The following PARD3 variants were observed in gnomAD, a reference collection of about 807,000 sequenced individuals.
PARD3 encodes the protein par-3 family cell polarity regulator, also known as partitioning defective 3 homolog.
A neutral mutation model predicts 155.4 loss-of-function variants in PARD3; 75 were observed. That is an observed-to-expected ratio of 0.48 (90% CI 0.40 to 0.58). The LOEUF is 0.58. Ranked by LOEUF, PARD3 falls within the 20% of genes least tolerant of loss-of-function variation. The probability of loss-of-function intolerance (pLI) is 0.00; values close to 1 mark genes in which losing one functional copy is unlikely to be tolerated. For missense variants in PARD3, 1,642 were observed against 1,721.7 expected (o/e 0.95, Z 0.82); for synonymous variants, 576 against 610.5 (o/e 0.94, Z 0.83).
intron 22 of PARD3, among the ~76,000 whole-genome samples, chr10:34,136,899 TTC>T (rs1256143320): frequency 2.6e-5 from 4 of 152,190 alleles, no homozygotes; most frequent in African/African-American, 9.7e-5. Context: ...GTATGGGCTT[TTC>T]TCTCTTAGGT....
chr10:34,700,448 A>C (rs775736169), intron 1 of PARD3, among the ~76,000 whole-genome samples: 2 of 152,264 alleles, frequency 1.3e-5, no homozygotes, highest in Non-Finnish European at 2.9e-5. Context: ...TAGGCTCCGC[A>C]TATTACCCAC....
chr10:34,540,811 T>C (rs1231474541), intron 2 of PARD3, among the ~76,000 whole-genome samples: 1 of 152,156 alleles, frequency 6.6e-6, no homozygotes, highest in Non-Finnish European at 1.5e-5. Context: ...ATCTTTTTAC[T>C]TTCTGATTTA....
At chr10:34,596,737 C>T (rs1190719840) in intron 2 of PARD3, among the ~76,000 whole-genome samples, 1 of 152,194 alleles carries the variant, frequency 6.6e-6, no homozygotes. Flanking sequence ...GGTGCTAATC[C>T]AATTCCAGGC....
intron 5 of PARD3, among the ~76,000 whole-genome samples, chr10:34,428,763 A>G (rs1027605453): frequency 6.6e-6 from 1 of 152,106 alleles, no homozygotes; most frequent in Non-Finnish European, 1.5e-5. Flanking sequence ...TGTAAGAACT[A>G]TTTTTTTCCT....
chr10:34,477,795 T>C (rs1164949172), intron 3 of PARD3, among the ~76,000 whole-genome samples: 3 of 152,218 alleles, frequency 2.0e-5, no homozygotes, highest in Non-Finnish European at 4.4e-5. Flanking sequence ...CTAAATATAA[T>C]ATGCAGTTAC....
At chr10:34,618,601 C>A (rs975546733) in intron 2 of PARD3, among the ~76,000 whole-genome samples, 4 of 152,078 alleles carry the variant, frequency 2.6e-5, no homozygotes, top group Non-Finnish European at 5.9e-5. Context: ...TAGACCCAAA[C>A]TGAACTAATG....
At chr10:34,626,426 T>C (rs2091983901) in intron 2 of PARD3, among the ~76,000 whole-genome samples, 1 of 152,206 alleles carries the variant, frequency 6.6e-6, no homozygotes. Context: ...TCATCCCCTC[T>C]CTGTGTGGGA....
intron 1 of PARD3, among the ~76,000 whole-genome samples, chr10:34,750,997 A>C (rs1835962149): frequency 6.6e-6 from 1 of 152,026 alleles, no homozygotes; most frequent in Non-Finnish European, 1.5e-5. Flanking sequence ...ATGACCTAAG[A>C]ATATGTTTTA....
At chr10:34,616,013 A>T (rs1171908698) in intron 2 of PARD3, among the ~76,000 whole-genome samples, 1 of 152,224 alleles carries the variant, frequency 6.6e-6, no homozygotes, top group Non-Finnish European at 1.5e-5. Flanking sequence ...AAATTAGTAC[A>T]GCAATTATAG....
At chr10:34,753,347 C>T (rs1836303877) in intron 1 of PARD3, among the ~76,000 whole-genome samples, 1 of 152,190 alleles carries the variant, frequency 6.6e-6, no homozygotes, top group Non-Finnish European at 1.5e-5. Context: ...CTGGTGCAAG[C>T]CCTGAGCCCT....
chr10:34,531,984 C>T (rs187800834), intron 2 of PARD3, among the ~76,000 whole-genome samples: 1 of 151,456 alleles, frequency 6.6e-6, no homozygotes, highest in African/African-American at 2.5e-5. Flanking sequence ...GAGCTCACTG[C>T]AAGTAACAAC....
At chr10:34,385,001 A>G (rs994146456) in intron 7 of PARD3, among the ~76,000 whole-genome samples, 3 of 152,242 alleles carry the variant, frequency 2.0e-5, no homozygotes, top group African/African-American at 7.2e-5. Flanking sequence ...TACTTGCTCT[A>G]GAACACTAAC....
chr10:34,470,672 GAGTAAT>G (rs745364601), intron 3 of PARD3, among the ~76,000 whole-genome samples: 8 of 152,116 alleles, frequency 5.3e-5, no homozygotes, highest in Non-Finnish European at 1.2e-4. Context: ...ACTCAGTAGA[GAGTAAT>G]ATAATAACCA....
chr10:34,794,543 C>T (rs917989422), intron 1 of PARD3, among the ~76,000 whole-genome samples: 2 of 152,208 alleles, frequency 1.3e-5, no homozygotes, highest in Admixed American at 1.3e-4. Flanking sequence ...GATGAAATTA[C>T]TGCATTCCCA....
chr10:34,673,074 C>T (rs1172955398), intron 2 of PARD3, among the ~76,000 whole-genome samples: 5 of 152,124 alleles, frequency 3.3e-5, no homozygotes. Context: ...TTAAATCCAA[C>T]CTTATCTCAG....
At chr10:34,633,624 G>A (rs750453621) in intron 2 of PARD3, among the ~76,000 whole-genome samples, 19 of 152,166 alleles carry the variant, frequency 1.2e-4, no homozygotes, top group Non-Finnish European at 2.4e-4. Flanking sequence ...AGTGAACGGC[G>A]CTGCAACAAA....
intron 22 of PARD3, among the ~76,000 whole-genome samples, chr10:34,168,465 C>T (rs1949640584): frequency 6.6e-6 from 1 of 152,190 alleles, no homozygotes; most frequent in Admixed American, 6.5e-5. Context: ...CTTGCCAAAG[C>T]ATGATTTTGA....
chr10:34,433,096 C>A (rs1188483083), intron 5 of PARD3, among the ~76,000 whole-genome samples: 1 of 152,166 alleles, frequency 6.6e-6, no homozygotes, highest in Non-Finnish European at 1.5e-5. Context: ...TAAAAAATTT[C>A]TCTGCATATT....
chr10:34,227,886 T>TATATA (rs1564499942), intron 22 of PARD3, among the ~76,000 whole-genome samples: 2 of 62,926 alleles, frequency 3.2e-5, no homozygotes, highest in South Asian at 3.7e-4. Flanking sequence ...ATATATATAC[T>TATATA]GGGAATATAT....
Sources: gnomAD v4.1 joint callset for allele counts (sites outside exome capture counted in the v4.1 genomes callset) on GRCh38, gnomAD v4.1.1 for gene constraint, MANE v1.5 for transcripts, NCBI Gene and HGNC (gene_info 2026-07-23, HGNC 2026-07-21) for gene names.